PHACTR2: variants seen among roughly 807,000 people sequenced by gnomAD.
PHACTR2 encodes the protein phosphatase and actin regulator 2.
Under a neutral mutation model 76.0 loss-of-function variants are expected in PHACTR2, and 30 were observed. The ratio of observed to expected loss-of-function variants is 0.39; its 90% confidence interval spans 0.30 to 0.54. PHACTR2 has a LOEUF of 0.54. PHACTR2 is among the 20% of genes least tolerant of loss of function. The pLI, the probability that PHACTR2 is intolerant of heterozygous loss-of-function variation, is 0.61. For missense variants in PHACTR2, 696 were observed against 781.1 expected (o/e 0.89, Z 1.30); for synonymous variants, 292 against 292.5 (o/e 1.00, Z 0.02).
chr6:143,590,807 C>G (rs756722836), intron 1 of PHACTR2, among the ~76,000 whole-genome samples: 14 of 152,062 alleles, frequency 9.2e-5, no homozygotes, highest in Non-Finnish European at 1.9e-4. Context: ...AGACCCTTCC[C>G]TTGAAGGGTC....
intron 1 of PHACTR2, among the ~76,000 whole-genome samples, chr6:143,636,857 C>A (rs185476829): frequency 1.3e-5 from 2 of 152,312 alleles, no homozygotes; most frequent in Admixed American, 1.3e-4. Context: ...GCATAAATGT[C>A]GAGTCCTTTT....
upstream of PHACTR2, among the ~76,000 whole-genome samples, chr6:143,674,475 G>A (rs1777208065): frequency 6.6e-6 from 1 of 151,938 alleles, no homozygotes; most frequent in Admixed American, 6.6e-5. The surrounding 1 kb of genome is among the most constrained non-coding windows in gnomAD (Gnocchi z 4.9). Flanking sequence ...TAATTCACAG[G>A]GTGTCTATGG....
chr6:143,658,240 G>A lies in PHACTR2; in HGVS notation c.13+49918G>A, dbSNP rs183933957. On this transcript the variant is annotated intron_variant, in intron 1 of 11. Transcript: ENST00000305766. This position sits in a 1 kb window ranked among gnomAD's most constrained non-coding sequence, Gnocchi z 4.1. Reference sequence around the variant, plus strand: ...TAACCTGAGCTTCAACAACAAATGTGATTTTAAAATAAATTTGGGTACAAA... The same window carrying A: ...TAACCTGAGCTTCAACAACAAATGTAATTTTAAAATAAATTTGGGTACAAA... Among the ~76,000 whole-genome samples, 116 of 152,260 alleles carry A rather than the reference G, an allele frequency of 7.6e-4. No homozygotes were observed. The highest frequency in any genetic ancestry group is 1.5e-3 in the Non-Finnish European group (104 of 68,004).
At position 143,710,577 on chromosome 6, in the gene PHACTR2, G is replaced by A. The variant is rs1778151761; in HGVS notation, c.47-1439G>A. On this transcript the variant is annotated intron_variant, in intron 1 of 12. Coordinates refer to ENST00000440869, the MANE Select transcript of PHACTR2 (RefSeq NM_001100164.2). This position sits in a 1 kb window ranked among gnomAD's most constrained non-coding sequence, Gnocchi z 4.9. ...GCCTGGTGGCATGTGCCTGTAGTCA[G>A]TCCCAGCTGCTTGGGAGGCTGAGGC... 6.6e-6 allele frequency among the ~76,000 whole-genome samples: 1 copy of A among 152,094 alleles called. No individual in the cohort carries two copies. Among genetic ancestry groups the A allele is most frequent in the African/African-American group, 2.4e-5 (1 of 41,410 alleles).
At chr6:143,676,035 T>A (rs778606615), upstream of PHACTR2, among the ~76,000 whole-genome samples, 29 of 152,294 alleles carry the variant, frequency 1.9e-4, no homozygotes, top group South Asian at 4.1e-4. The surrounding 1 kb of genome is among the most constrained non-coding windows in gnomAD (Gnocchi z 4.8). Context: ...CATCAGAAGC[T>A]CTAGAAACCA....
chr6:143,760,373 C>T lies in PHACTR2; in HGVS notation c.455-28C>T, dbSNP rs1430927461. On this transcript the variant is annotated intron_variant, in intron 4 of 12. Transcript: ENST00000440869. This position sits in a 1 kb window ranked among gnomAD's most constrained non-coding sequence, Gnocchi z 6.4. ...TTATATGGTGTGTGTCTGTATCAGTCTGCTTCTGTTCACTTTCTCGTTTAT... is the reference window on the plus strand; with the variant it reads ...TTATATGGTGTGTGTCTGTATCAGTTTGCTTCTGTTCACTTTCTCGTTTAT... 1 of 1,581,994 alleles carries T rather than the reference C, an allele frequency of 6.3e-7. No homozygotes were observed. Among genetic ancestry groups the T allele is most frequent in the Non-Finnish European group, 8.6e-7 (1 of 1,163,174 alleles).
At position 143,581,753 on chromosome 6, in the gene PHACTR2, C is replaced by A. The variant is rs1344112452; in HGVS notation, c.217+44546C>A. On this transcript the variant is annotated intron_variant, in intron 1 of 11. Coordinates refer to the PHACTR2 transcript ENST00000367584. The surrounding 1 kb of genome is among the most constrained non-coding windows in gnomAD (Gnocchi z 4.5). ...GGGTGAGGCAGGAGGATCACCTGAG[C>A]CTGGGAAAGTCGAGGCTGCAGTGAG... Among the ~76,000 whole-genome samples, 2 of 151,920 alleles carry A rather than the reference C, an allele frequency of 1.3e-5. No individual in the cohort carries two copies. The highest frequency in any genetic ancestry group is 2.9e-5 in the Non-Finnish European group (2 of 67,984).
chr6:143,785,265 G>A (rs1272598941), intron 10 of PHACTR2, among the ~76,000 whole-genome samples: 1 of 152,196 alleles, frequency 6.6e-6, no homozygotes, highest in African/African-American at 2.4e-5. Flanking sequence ...CAAAGGGGTT[G>A]CAGGGCCCAT....
rs1230488739 is a variant in PHACTR2, at chr6:143,616,462, C to A, written c.13+8140C>A. Among the ~76,000 whole-genome samples the A allele has an allele frequency of 1.3e-5, 2 of 152,166 alleles. No individual in the cohort carries two copies. Among genetic ancestry groups the A allele is most frequent in the African/African-American group, 4.8e-5 (2 of 41,438 alleles). On this transcript the variant is annotated intron_variant, in intron 1 of 11. Coordinates refer to the PHACTR2 transcript ENST00000305766. The surrounding 1 kb of genome is among the most constrained non-coding windows in gnomAD (Gnocchi z 4.9). ...AGTCTGTTCCACGTCTGTTCTGTAT[C>A]CACAAAAGCATTTGTACCTTCATTC...
chr6:143,540,889 C>T (rs1298129611), intron 1 of PHACTR2, among the ~76,000 whole-genome samples: 1 of 152,174 alleles, frequency 6.6e-6, no homozygotes, highest in Non-Finnish European at 1.5e-5. Flanking sequence ...TGAACTCACA[C>T]TTCTGGAATT....
chr6:143,674,729 G>A (rs1369035690), upstream of PHACTR2, among the ~76,000 whole-genome samples: 1 of 152,136 alleles, frequency 6.6e-6, no homozygotes, highest in Non-Finnish European at 1.5e-5. The surrounding 1 kb of genome is among the most constrained non-coding windows in gnomAD (Gnocchi z 4.9). Flanking sequence ...AGTATTCATG[G>A]CATTTGTGTT....
intron 2 of PHACTR2, among the ~76,000 whole-genome samples, chr6:143,717,492 TA>T (rs1041357796): frequency 6.6e-6 from 1 of 151,664 alleles, no homozygotes; most frequent in Non-Finnish European, 1.5e-5. Flanking sequence ...TGGGATGTAA[TA>T]AAAAAAACAT....
Position 143,611,528 on chromosome 6 carries a change from T to C in PHACTR2, c.13+3206T>C, listed in dbSNP as rs1053796008. ...CTGTGAACAAGTAATAGAAACTCTA[T>C]GCATTTAATTTTCTCATTGGTAAGG... On this transcript the variant is annotated intron_variant, in intron 1 of 11. Coordinates refer to the PHACTR2 transcript ENST00000305766. The surrounding 1 kb of genome is among the most constrained non-coding windows in gnomAD (Gnocchi z 4.4). 2.0e-5 allele frequency among the ~76,000 whole-genome samples: 3 copies of C among 152,210 alleles called. No homozygotes were observed. Among genetic ancestry groups the C allele is most frequent in the Non-Finnish European group, 4.4e-5 (3 of 68,034 alleles).
At chr6:143,746,835 T>A (rs1316296645) in intron 2 of PHACTR2, among the ~76,000 whole-genome samples, 8 of 143,682 alleles carry the variant, frequency 5.6e-5, no homozygotes, top group African/African-American at 1.5e-4. Flanking sequence ...ACACCCAGTT[T>A]AAAAAAAAAA....
In PHACTR2 at chr6:143,689,854, G is replaced by A. The variant is rs1025990525; in HGVS notation, c.46+11645G>A. On this transcript the variant is annotated intron_variant, in intron 1 of 12. Transcript: ENST00000440869. This position sits in a 1 kb window ranked among gnomAD's most constrained non-coding sequence, Gnocchi z 4.4. ...ATTACAGGCACCTGCCACCACGCCC[G>A]GCTAATTTTTGTATTTTTAGTAGCG... Among the ~76,000 whole-genome samples the A allele has an allele frequency of 2.6e-5, 4 of 151,894 alleles. No individual in the cohort carries two copies. Among genetic ancestry groups the A allele is most frequent in the East Asian group, 3.9e-4 (2 of 5,162 alleles).
At position 143,625,536 on chromosome 6, in the gene PHACTR2, AT is replaced by A. The variant is rs578160661; in HGVS notation, c.13+17217del. Among the ~76,000 whole-genome samples the A allele has an allele frequency of 6.6e-5, 10 of 152,236 alleles. No homozygotes were observed. The highest frequency in any genetic ancestry group is 1.5e-4 in the Non-Finnish European group (10 of 68,042). The stretch of plus-strand genomic sequence containing the variant: ...TCGAATAGGTAATTGCTGCATATTG[AT>A]TTCCATTTCCCCTTGTGCGGTGTGT... On this transcript the variant is annotated intron_variant, in intron 1 of 11. Coordinates refer to the PHACTR2 transcript ENST00000305766. This position sits in a 1 kb window ranked among gnomAD's most constrained non-coding sequence, Gnocchi z 4.3.
chr6:143,678,270 C>A lies in PHACTR2; in HGVS notation c.46+61C>A. On this transcript the variant is annotated intron_variant, in intron 1 of 12. Transcript: ENST00000440869. This position sits in a 1 kb window ranked among gnomAD's most constrained non-coding sequence, Gnocchi z 6.2. ...GCGGGCGCAGGGCTGGCGGCGGGGCCCCGGGGCAGGCAGGGTTAGTCGTCT... is the reference window on the plus strand; with the variant it reads ...GCGGGCGCAGGGCTGGCGGCGGGGCACCGGGGCAGGCAGGGTTAGTCGTCT... The A allele has an allele frequency of 2.9e-6, 4 of 1,385,320 alleles. No individual in the cohort carries two copies. The South Asian group carries it at 5.0e-5, about 17-fold the overall frequency. 85.8% of individuals were successfully genotyped at this position (1,385,320 alleles called of 1,614,324 possible).
At chr6:143,613,573 T>C (rs1004200474) in intron 1 of PHACTR2, among the ~76,000 whole-genome samples, 2 of 152,202 alleles carry the variant, frequency 1.3e-5, no homozygotes, top group Non-Finnish European at 2.9e-5. Context: ...GTTTTGACTT[T>C]TGTTTCAGGA....
chr6:143,633,208 C>T lies in PHACTR2; in HGVS notation c.13+24886C>T, dbSNP rs987716590. 1.3e-5 allele frequency among the ~76,000 whole-genome samples: 2 copies of T among 152,152 alleles called. No individual in the cohort carries two copies. Among genetic ancestry groups the T allele is most frequent in the African/African-American group, 4.8e-5 (2 of 41,424 alleles). ...AAACTGTCTTCCAAAGTGGCTGTACCATTTTGCATTCCCATCAGCAAAGAA... is the reference window on the plus strand; with the variant it reads ...AAACTGTCTTCCAAAGTGGCTGTACTATTTTGCATTCCCATCAGCAAAGAA... On this transcript the variant is annotated intron_variant, in intron 1 of 11. Transcript: ENST00000305766. This position sits in a 1 kb window ranked among gnomAD's most constrained non-coding sequence, Gnocchi z 4.1.
Sources: allele counts gnomAD v4.1 joint callset (sites outside exome capture counted in the v4.1 genomes callset), GRCh38; gene constraint gnomAD v4.1.1; non-coding constraint Gnocchi (gnomAD v3.1); transcripts MANE v1.5; gene names NCBI Gene and HGNC (gene_info 2026-07-23, HGNC 2026-07-21).